CEP164: variants seen among roughly 807,000 people sequenced by gnomAD.
CEP164 encodes the protein centrosomal protein 164, also known as centrosomal protein of 164 kDa.
Under a neutral mutation model 182.7 loss-of-function variants are expected in CEP164, and 162 were observed. The ratio of observed to expected loss-of-function variants is 0.89; its 90% CI spans 0.78 to 1.01. The LOEUF (loss-of-function observed/expected upper bound fraction) is 1.01. CEP164 is among the 50% of genes least tolerant of loss of function. The pLI is 0.00. For synonymous variants in CEP164, 661 were observed against 690.0 expected (o/e 0.96, Z 0.66); for missense variants, 1,735 against 1,790.4 (o/e 0.97, Z 0.56).
In CEP164 at chr11:117,372,108, AT is replaced by A. The variant is rs33975593; in HGVS notation, c.1152+659del. On this transcript the variant is annotated intron_variant, in intron 9 of 32. Transcript: ENST00000278935. The stretch of plus-strand genomic sequence containing the variant: ...TGCCCACCTCATCATAGTTCAGGGT[AT>A]TTTTTTTTTTTTTTTTAAGACAGAG... Among the ~76,000 whole-genome samples the A allele has an allele frequency of 3.7e-3, 498 of 133,240 alleles. 3 individuals are homozygous for A. The highest frequency in any genetic ancestry group is 0.01 in the African/African-American group (362 of 34,902). 87.4% of individuals were successfully genotyped at this position (133,240 alleles called of 152,430 possible).
intron 1 of CEP164, among the ~76,000 whole-genome samples, chr11:117,334,607 GA>G (rs1215330487): frequency 6.6e-6 from 1 of 152,024 alleles, no homozygotes; most frequent in Non-Finnish European, 1.5e-5. Flanking sequence ...CCAATGTGGT[GA>G]AATCTAATCT....
At chr11:117,367,005 G>C (rs1039038069) in intron 8 of CEP164, among the ~76,000 whole-genome samples, 2 of 152,230 alleles carry the variant, frequency 1.3e-5, no homozygotes, top group Admixed American at 1.3e-4. Context: ...GCTGTGAAAG[G>C]AGGAGACAGA....
intron 11 of CEP164, among the ~76,000 whole-genome samples, chr11:117,379,530 T>G (rs1453150218): frequency 6.6e-6 from 1 of 152,140 alleles, no homozygotes. Flanking sequence ...CTTTTTGTTT[T>G]TTACCTTAGG....
rs1302271885 is a variant in CEP164 at position 117,393,104 on chromosome 11, C to A, written c.2594C>A (p.Ala865Asp). ...GAGCACCAGCAAGTGATGGCTAAGG[C>A]CAGAGAGCAGTATGAAGCTGAGGTA... ...KEEHQQVMAK[A>D]REQYEAEERK... The change falls in exon 20 of 33, where the codon GCC (alanine) becomes GAC (aspartate). Residue 865 changes from alanine to aspartate, a missense_variant. Transcript: ENST00000278935. 1.9e-6 allele frequency: 3 copies of A among 1,613,214 alleles called. No individual in the cohort carries two copies. The Admixed American group carries it at 5.0e-5, about 27-fold the overall frequency.
chr11:117,329,448 G>A (rs1837630980), intron 1 of CEP164, among the ~76,000 whole-genome samples: 1 of 152,188 alleles, frequency 6.6e-6, no homozygotes, highest in African/African-American at 2.4e-5. Flanking sequence ...GGTCATGTCA[G>A]AATGGTTAAG....
At position 117,411,532 on chromosome 11, in the gene CEP164, C is replaced by T. The variant is rs1033598330; in HGVS notation, c.4164-263C>T. ...GGGAGCGCTTTGCTGATGAGATTGGCGGGAGCAGGCGGATGTGGGAGCCCA... is the reference window on the plus strand; with the variant it reads ...GGGAGCGCTTTGCTGATGAGATTGGTGGGAGCAGGCGGATGTGGGAGCCCA... On this transcript the variant is annotated intron_variant, in intron 31 of 32. Transcript: ENST00000278935. The surrounding 1 kb of genome is among the most constrained non-coding windows in gnomAD (Gnocchi z 4.4). 37 of 418,506 alleles carry T rather than the reference C, an allele frequency of 8.8e-5. No homozygotes were observed. Among genetic ancestry groups the T allele is most frequent in the Non-Finnish European group, 1.5e-4 (33 of 227,100 alleles). The allele number at this position is 418,506 out of a possible 1,614,324, so 25.9% of individuals were successfully genotyped here.
intron 5 of CEP164, among the ~76,000 whole-genome samples, chr11:117,357,702 G>A (rs1411000730): frequency 1.3e-5 from 2 of 151,804 alleles, no homozygotes. Flanking sequence ...GATTACAGGT[G>A]TGAACTGCCG....
intron 19 of CEP164, 52 bp downstream of exon 19, chr11:117,392,679 T>C (rs1291478627): frequency 6.3e-7 from 1 of 1,590,648 alleles, no homozygotes; most frequent in African/African-American, 1.3e-5. Flanking sequence ...TGGACTCTCT[T>C]ACAGTCAGCT....
chr11:117,349,906 C>T (rs1301596441), intron 4 of CEP164, among the ~76,000 whole-genome samples: 1 of 152,074 alleles, frequency 6.6e-6, no homozygotes, highest in Admixed American at 6.6e-5. Flanking sequence ...TCCTGAGTAG[C>T]TGGGATTACA....
chr11:117,404,518 T>C (rs932862184), intron 27 of CEP164, among the ~76,000 whole-genome samples: 2 of 152,208 alleles, frequency 1.3e-5, no homozygotes, highest in Non-Finnish European at 2.9e-5. Context: ...TTTTCCTTCC[T>C]CTGGAAGCTT....
intron 27 of CEP164, among the ~76,000 whole-genome samples, chr11:117,401,272 T>C (rs1186294315): frequency 6.6e-6 from 1 of 152,220 alleles, no homozygotes; most frequent in Non-Finnish European, 1.5e-5. Context: ...TAGTTCTGTT[T>C]ATGTGATGGA....
chr11:117,355,256 CTCCAGAAGGCGACAGAGAAAA>C (rs879031007), intron 5 of CEP164: 2 of 1,289,720 alleles, frequency 1.6e-6, no homozygotes, highest in South Asian at 2.5e-5. Flanking sequence ...TCTGGAGAAA[CTCCAGAAGGCGACAGAGAAAA>C]TCTACCTGGG....
chr11:117,332,399 A>C (rs2036368812), intron 1 of CEP164, among the ~76,000 whole-genome samples: 1 of 152,074 alleles, frequency 6.6e-6, no homozygotes, highest in Non-Finnish European at 1.5e-5. Context: ...ACATGGAGAA[A>C]CTGCATCTCC....
At chr11:117,382,982 G>T in intron 14 of CEP164, 40 bp downstream of exon 14, 1 of 1,594,240 alleles carries the variant, frequency 6.3e-7, no homozygotes, top group South Asian at 1.1e-5. Flanking sequence ...GACCTCCACT[G>T]CGTGTGGGCT....
intron 11 of CEP164, among the ~76,000 whole-genome samples, chr11:117,376,362 C>T (rs1007311942): frequency 6.6e-6 from 1 of 152,186 alleles, no homozygotes; most frequent in Non-Finnish European, 1.5e-5. Context: ...TCTCCCCTGC[C>T]AGATGTTAGC....
In CEP164 at chr11:117,322,713, G is replaced by T. The variant is rs115633559; in HGVS notation, c.-98+7985G>T. ...TGAGATTATAGGCATGTGTCACCAC[G>T]CCTGGCATATTTTGTGTTTATATAT... On this transcript the variant is annotated intron_variant, in intron 1 of 4. Coordinates refer to the CEP164 transcript ENST00000525734. Among the ~76,000 whole-genome samples the T allele has an allele frequency of 8.9e-3, 1,316 of 148,128 alleles. 23 individuals are homozygous for T. The highest frequency in any genetic ancestry group is 0.031 in the African/African-American group (1,257 of 39,974).
chr11:117,370,046 C>T (rs2042047055), intron 8 of CEP164, among the ~76,000 whole-genome samples: 1 of 152,226 alleles, frequency 6.6e-6, no homozygotes, highest in Non-Finnish European at 1.5e-5. Context: ...ATATGGGACT[C>T]CTCTAATGGC....
At position 117,409,550 on chromosome 11, in the gene CEP164, C is replaced by T; in HGVS notation, c.3749-68C>T. 1.4e-6 allele frequency: 2 copies of T among 1,413,974 alleles called. No individual in the cohort carries two copies. The highest frequency in any genetic ancestry group is 1.9e-6 in the Non-Finnish European group (2 of 1,030,036). The allele number at this position is 1,413,974 out of a possible 1,614,324, so 87.6% of individuals were successfully genotyped here. A position where few individuals can be genotyped will look rare whatever the true frequency, so the allele number is the denominator to read the frequency against. On this transcript the variant is annotated intron_variant, in intron 29 of 32. Transcript: ENST00000278935. The surrounding 1 kb of genome is among the most constrained non-coding windows in gnomAD (Gnocchi z 4.4). ...TGGCCAGTAGGGTCCTCCATGACAG[C>T]TGTGTCTGGGAATGGTCCAGGGTCC...
intron 17 of CEP164, among the ~76,000 whole-genome samples, chr11:117,391,445 G>T (rs2044643049): frequency 6.6e-6 from 1 of 152,146 alleles, no homozygotes; most frequent in African/African-American, 2.4e-5. Flanking sequence ...GATGCAGCAG[G>T]CATCACAAGG....
Sources: allele counts gnomAD v4.1 joint callset (sites outside exome capture counted in the v4.1 genomes callset), GRCh38; gene constraint gnomAD v4.1.1; non-coding constraint Gnocchi (gnomAD v3.1); transcripts MANE v1.5; gene names NCBI Gene and HGNC (gene_info 2026-07-23, HGNC 2026-07-21).